Variants in CACNA2D3 observed in about 807,000 individuals in gnomAD.
CACNA2D3 encodes the protein voltage-dependent calcium channel subunit alpha-2/delta-3.
CACNA2D3 carries 60 observed loss-of-function variants against 160.6 expected under a neutral mutation model. The ratio of observed to expected loss-of-function variants is 0.37; its 90% CI spans 0.30 to 0.46. The LOEUF (loss-of-function observed/expected upper bound fraction) is 0.46. Among genes scored for constraint, CACNA2D3 ranks in the 20% least tolerant of loss-of-function variants. The pLI is 1.00. For synonymous variants in CACNA2D3, 558 were observed against 492.9 expected (o/e 1.13, Z -1.75); for missense variants, 1,205 against 1,365.0 (o/e 0.88, Z 1.85).
rs1181661168 is a variant in CACNA2D3 at position 54,356,443 on chromosome 3, T to C, written c.322-30272T>C. On this transcript the variant is annotated intron_variant, in intron 3 of 37. Coordinates refer to ENST00000474759, the MANE Select transcript of CACNA2D3 (RefSeq NM_018398.3). ...GCAAAGACACTGCTGACTCAGTTTT[T>C]TGTACCTAATGAATCTTTATTGGCA... Among the ~76,000 whole-genome samples, 6 of 152,326 alleles carry C rather than the reference T, an allele frequency of 3.9e-5. No homozygotes were observed. In the South Asian group the frequency reaches 1.0e-3, roughly 26 times the overall value.
intron 27 of CACNA2D3, among the ~76,000 whole-genome samples, chr3:54,954,897 G>A (rs78369765): frequency 0.015 from 2,214 of 152,230 alleles, 54 homozygotes; most frequent in African/African-American, 0.05. Flanking sequence ...GAGAGGCGCC[G>A]ATTAACCTCC....
chr3:54,574,852 T>C (rs1202614883), intron 8 of CACNA2D3, among the ~76,000 whole-genome samples: 1 of 152,258 alleles, frequency 6.6e-6, no homozygotes, highest in Non-Finnish European at 1.5e-5. Flanking sequence ...CCCATATTTG[T>C]GCAGACTTGA....
At chr3:54,589,719 T>C (rs557493143) in intron 9 of CACNA2D3, among the ~76,000 whole-genome samples, 17 of 152,050 alleles carry the variant, frequency 1.1e-4, no homozygotes, top group African/African-American at 4.1e-4. Context: ...TAAACACAAT[T>C]GAATTTAAAA....
chr3:55,012,709 G>T (rs911282219), intron 34 of CACNA2D3, among the ~76,000 whole-genome samples: 5 of 152,094 alleles, frequency 3.3e-5, no homozygotes, highest in African/African-American at 1.2e-4. Flanking sequence ...GGCCAGGGAT[G>T]CAGCTAAATA....
chr3:54,961,699 A>G (rs1213530701), intron 27 of CACNA2D3, among the ~76,000 whole-genome samples: 9 of 152,166 alleles, frequency 5.9e-5, no homozygotes, highest in Admixed American at 5.9e-4. Flanking sequence ...AGTATCATGG[A>G]CAGCAGTCTT....
At chr3:54,820,588 C>T (rs1703568707) in intron 14 of CACNA2D3, among the ~76,000 whole-genome samples, 1 of 152,082 alleles carries the variant, frequency 6.6e-6, no homozygotes, top group Non-Finnish European at 1.5e-5. Flanking sequence ...GAGGTAGTGT[C>T]CTGAGGTTTT....
At chr3:55,002,176 A>T (rs1191059328) in intron 31 of CACNA2D3, among the ~76,000 whole-genome samples, 1 of 151,066 alleles carries the variant, frequency 6.6e-6, no homozygotes, top group Non-Finnish European at 1.5e-5. Flanking sequence ...AAAAAAAAAG[A>T]ATGTACCCTG....
intron 11 of CACNA2D3, among the ~76,000 whole-genome samples, chr3:54,744,139 T>C (rs1440710995): frequency 6.6e-6 from 1 of 152,218 alleles, no homozygotes; most frequent in African/African-American, 2.4e-5. Flanking sequence ...ACTTCTGATA[T>C]GACTATTCTG....
intron 12 of CACNA2D3, 85 bp from the exon 13 acceptor site, chr3:54,764,133 G>A: frequency 6.9e-7 from 1 of 1,446,814 alleles, no homozygotes; most frequent in Non-Finnish European, 9.6e-7. Context: ...CTAGCTAGAG[G>A]GCAAGAAGGC....
intron 35 of CACNA2D3, among the ~76,000 whole-genome samples, chr3:55,021,841 C>T (rs1703463855): frequency 6.6e-6 from 1 of 151,632 alleles, no homozygotes; most frequent in Non-Finnish European, 1.5e-5. Context: ...TTGAGGCCAT[C>T]CTTTTTATTA....
At chr3:54,410,472 G>T (rs1379545614) in intron 4 of CACNA2D3, among the ~76,000 whole-genome samples, 1 of 152,178 alleles carries the variant, frequency 6.6e-6, no homozygotes, top group Admixed American at 6.5e-5. Context: ...TGAAGCCAAT[G>T]CTTACTTACC....
At chr3:54,930,737 C>G (rs975499258) in intron 27 of CACNA2D3, among the ~76,000 whole-genome samples, 1 of 152,196 alleles carries the variant, frequency 6.6e-6, no homozygotes, top group Non-Finnish European at 1.5e-5. Flanking sequence ...CCTACCTCGC[C>G]GGAGGCAGGG....
intron 5 of CACNA2D3, among the ~76,000 whole-genome samples, chr3:54,513,694 G>A (rs1041753677): frequency 5.3e-5 from 8 of 150,826 alleles, no homozygotes; most frequent in Non-Finnish European, 8.8e-5. Context: ...TTGTTTGTTT[G>A]TTTTGAGATG....
In CACNA2D3 at chr3:54,755,354, G is replaced by A. The variant is rs562306287; in HGVS notation, c.1246+2677G>A. On this transcript the variant is annotated intron_variant, in intron 12 of 37. Transcript: ENST00000474759. ...AGTGTGGGAAAGTTCTCCAAGAATA[G>A]GTGAACAGCCAGGCTCTTAAACCTG... Among the ~76,000 whole-genome samples, 6 of 152,220 alleles carry A rather than the reference G, an allele frequency of 3.9e-5. No individual in the cohort carries two copies. In the East Asian group the frequency reaches 7.8e-4, roughly 20 times the overall value.
intron 11 of CACNA2D3, among the ~76,000 whole-genome samples, chr3:54,690,653 C>T (rs1461370585): frequency 6.6e-6 from 1 of 151,970 alleles, no homozygotes; most frequent in Non-Finnish European, 1.5e-5. Flanking sequence ...TTCTGGGTGG[C>T]CTGTGATTTG....
At chr3:54,685,080 C>T (rs901332496) in intron 11 of CACNA2D3, among the ~76,000 whole-genome samples, 2 of 152,072 alleles carry the variant, frequency 1.3e-5, no homozygotes, top group African/African-American at 2.4e-5. Flanking sequence ...TGGAAAATGA[C>T]GAGGCTCCAG....
chr3:54,372,404 A>G (rs1698940184), intron 3 of CACNA2D3, among the ~76,000 whole-genome samples: 1 of 152,130 alleles, frequency 6.6e-6, no homozygotes, highest in African/African-American at 2.4e-5. Flanking sequence ...AGCCTTGGAG[A>G]GTTGCCAGAG....
intron 5 of CACNA2D3, among the ~76,000 whole-genome samples, chr3:54,544,122 A>G (rs1194817501): frequency 1.3e-5 from 2 of 152,214 alleles, no homozygotes; most frequent in African/African-American, 4.8e-5. Context: ...TACTGATCCC[A>G]TATGCTAATT....
chr3:54,918,213 C>T (rs139863304), intron 27 of CACNA2D3: 6 of 441,450 alleles, frequency 1.4e-5, no homozygotes, highest in Middle Eastern at 6.2e-4. Context: ...ATAGAATCGT[C>T]GTAATAACTT....
Sources: gnomAD v4.1 joint callset for allele counts (sites outside exome capture counted in the v4.1 genomes callset) on GRCh38, gnomAD v4.1.1 for gene constraint, MANE v1.5 for transcripts, NCBI Gene and HGNC (gene_info 2026-07-23, HGNC 2026-07-21) for gene names.